The following PLCH2 variants were observed in gnomAD, a reference collection of about 807,000 sequenced individuals.
PLCH2 encodes phospholipase C eta 2, also known as 1-phosphatidylinositol 4,5-bisphosphate phosphodiesterase eta-2.
Under a neutral mutation model 134.7 loss-of-function variants are expected in PLCH2, and 98 were observed. That is an observed-to-expected ratio of 0.73 (90% CI 0.62 to 0.86). PLCH2 has a LOEUF of 0.86. PLCH2 is among the 40% of genes least tolerant of loss of function. The pLI is 0.00. For synonymous variants in PLCH2, 974 were observed against 827.5 expected, an observed-to-expected ratio of 1.18 and a Z score of -3.04; for missense variants, 1,994 against 1,986.6, an observed-to-expected ratio of 1.00 and a Z score of -0.07.
chr1:2,456,705 C>T (rs1436674872), intron 2 of PLCH2, among the ~76,000 whole-genome samples: 2 of 152,154 alleles, frequency 1.3e-5, no homozygotes, highest in African/African-American at 2.4e-5. Context: ...CAGTTTCCCC[C>T]TCTGAAGCCA....
chr1:2,503,567 C>T (rs1365541169), intron 21 of PLCH2: 3 of 640,774 alleles, frequency 4.7e-6, no homozygotes, highest in Non-Finnish European at 8.5e-6. Flanking sequence ...CCCCTCCAGA[C>T]CCCCCTGACC....
At chr1:2,422,381 G>A (rs1283398851), upstream of PLCH2, among the ~76,000 whole-genome samples, 1 of 152,200 alleles carries the variant, frequency 6.6e-6, no homozygotes, top group Non-Finnish European at 1.5e-5. Flanking sequence ...TGAGAAGAGG[G>A]ACGTGGCTTT....
At position 2,448,331 on chromosome 1, in the gene PLCH2, C is replaced by T. The variant is rs957849793; in HGVS notation, c.115+17702C>T. Among the ~76,000 whole-genome samples, 8 of 152,076 alleles carry T rather than the reference C, an allele frequency of 5.3e-5. No individual in the cohort carries two copies. The highest frequency in any genetic ancestry group is 2.1e-4 in the South Asian group (1 of 4,816). ...GGCCGCGCTCCCTCTGCAGGCTCCC[C>T]GGGAGGAACTTCCTGGCCTCCTCCA... On this transcript the variant is annotated intron_variant, in intron 2 of 3. Transcript: ENST00000609981. This position sits in a 1 kb window ranked among gnomAD's most constrained non-coding sequence, Gnocchi z 4.0.
chr1:2,496,333 G>A (rs1570471497), intron 13 of PLCH2, among the ~76,000 whole-genome samples: 1 of 152,202 alleles, frequency 6.6e-6, no homozygotes, highest in African/African-American at 2.4e-5. Context: ...CCTTCCAGAA[G>A]CCCCCACACC....
chr1:2,441,747 A>G (rs1639702435), intron 2 of PLCH2, among the ~76,000 whole-genome samples: 2 of 152,150 alleles, frequency 1.3e-5, no homozygotes, highest in Non-Finnish European at 2.9e-5. Context: ...CAAGGGAGCC[A>G]GGAACTAGCC....
chr1:2,445,796 C>G (rs1005567447), intron 2 of PLCH2, among the ~76,000 whole-genome samples: 3 of 152,208 alleles, frequency 2.0e-5, no homozygotes, highest in Admixed American at 6.5e-5. Flanking sequence ...TGCCGTAAGC[C>G]GCAGCAGCCA....
At chr1:2,495,276 A>C (rs1265386723) in intron 12 of PLCH2, among the ~76,000 whole-genome samples, 2 of 152,136 alleles carry the variant, frequency 1.3e-5, no homozygotes, top group Non-Finnish European at 2.9e-5. Context: ...CCCCAAGCTC[A>C]GGTGCCTTGT....
At chr1:2,438,471 C>T (rs1179815181) in intron 2 of PLCH2, among the ~76,000 whole-genome samples, 2 of 152,134 alleles carry the variant, frequency 1.3e-5, no homozygotes, top group South Asian at 2.1e-4. Flanking sequence ...CTCCCATGCC[C>T]CTGCCATGTC....
chr1:2,445,871 G>A lies in PLCH2; in HGVS notation c.115+15242G>A, dbSNP rs144138380. 1.2e-3 allele frequency among the ~76,000 whole-genome samples: 189 copies of A among 152,316 alleles called. 2 individuals carry two copies. In the East Asian group the frequency reaches 0.029, roughly 23 times the overall value. On this transcript the variant is annotated intron_variant, in intron 2 of 3. Coordinates refer to the PLCH2 transcript ENST00000609981. ...ATGTCCACAACACATGAAGAGCTTC[G>A]GACCAATTTGTGTATCTTCTGTTAC...
chr1:2,426,383 T>C (rs1424145812), intron 1 of PLCH2, among the ~76,000 whole-genome samples: 1 of 152,204 alleles, frequency 6.6e-6, no homozygotes, highest in Non-Finnish European at 1.5e-5. Flanking sequence ...CCTTCTTGCT[T>C]CTAACACTGA....
At chr1:2,459,502 TTCC>T (rs1640686254) in intron 2 of PLCH2, among the ~76,000 whole-genome samples, 3 of 83,686 alleles carry the variant, frequency 3.6e-5, no homozygotes, top group Non-Finnish European at 5.5e-5. Context: ...GTGGTCCTCC[TTCC>T]TGGTGGTCCT....
At position 2,489,841 on chromosome 1, in the gene PLCH2, G is replaced by C. The variant is rs753992333; in HGVS notation, c.1489G>C (p.Asp497His). The change falls in exon 10 of 22, where the codon GAT (aspartate) becomes CAT (histidine). Residue 497 changes from aspartate to histidine, a missense_variant. Asp to His is a moderately conservative substitution (Grantham distance 81). Coordinates refer to ENST00000378486, the MANE Select transcript of PLCH2 (RefSeq NM_014638.4). The stretch of plus-strand genomic sequence containing the variant: ...TGAGGACAGTGCTGATGAGATTGAC[G>C]ATGACTGCAAGCTCCTCAATGGGGA... ...SDEDSADEID[D>H]DCKLLNGDAS... The C allele has an allele frequency of 6.2e-7, 1 of 1,613,232 alleles. No homozygotes were observed. Among genetic ancestry groups the C allele is most frequent in the Admixed American group, 1.7e-5 (1 of 60,028 alleles).
In PLCH2 at chr1:2,499,177, T is replaced by C; in HGVS notation, c.2528T>C (p.Ile843Thr). The change falls in exon 19 of 22, where the codon ATC (isoleucine) becomes ACC (threonine). Residue 843 changes from isoleucine to threonine, a missense_variant. Ile to Thr is a moderately conservative substitution (Grantham distance 89). This residue lies in a region of PLCH2 where 1,094 missense variants were observed against 1,234.3 expected (regional missense o/e 0.89). Coordinates refer to ENST00000378486, the MANE Select transcript of PLCH2 (RefSeq NM_014638.4). Reference protein sequence around the residue: ...VRFLVWDHDPIGRDFIGQRTL... With the variant: ...VRFLVWDHDPTGRDFIGQRTL... Reference sequence around the variant, plus strand: ...TTCCTCGTCTGGGACCACGATCCCATCGGGCGTGACTTCATTGGCCAGAGG... The same window carrying C: ...TTCCTCGTCTGGGACCACGATCCCACCGGGCGTGACTTCATTGGCCAGAGG... The C allele has an allele frequency of 6.2e-7, 1 of 1,613,242 alleles. No individual in the cohort carries two copies. The highest frequency in any genetic ancestry group is 8.5e-7 in the Non-Finnish European group (1 of 1,179,796).
upstream of PLCH2, among the ~76,000 whole-genome samples, chr1:2,464,952 C>T (rs985159182): frequency 1.4e-4 from 22 of 152,190 alleles, no homozygotes; most frequent in Non-Finnish European, 2.9e-4. Flanking sequence ...AGGGGCTCAG[C>T]AGGCCCTGAG....
chr1:2,480,294 G>C lies in PLCH2; in HGVS notation c.627G>C (p.Arg209Ser). Residue 209 changes from arginine to serine, a missense_variant, in exon 4 of 22, where the codon AGG becomes AGC. By Grantham distance (110) the Arg-to-Ser change is moderately radical (BLOSUM62 -1). Around this residue, in one of 2 missense-constraint regions of PLCH2, gnomAD observed 1,094 missense variants for 1,234.3 expected, o/e 0.89. Transcript: ENST00000378486. Reference sequence around the variant, plus strand: ...TCAACGTGAACCTGCCCCGGCAGAGGGTGAAGCAGATGTTCAGGGTGAGCT... The same window carrying C: ...TCAACGTGAACCTGCCCCGGCAGAGCGTGAAGCAGATGTTCAGGGTGAGCT... ...HKLNVNLPRQ[R>S]VKQMFREADT... 1 of 1,612,594 alleles carries C rather than the reference G, an allele frequency of 6.2e-7. No homozygotes were observed.
At chr1:2,425,298 TACACATATACATAC>T (rs1368041416), upstream of PLCH2, among the ~76,000 whole-genome samples, 140 of 151,600 alleles carry the variant, frequency 9.2e-4, no homozygotes, top group African/African-American at 3.2e-3. Context: ...CATGCACAGA[TACACATATACATAC>T]ACACATATAC....
In PLCH2 at chr1:2,498,791, C is replaced by T. The variant is rs1456511612; in HGVS notation, c.2397C>T (p.Asp799=). 1.9e-6 allele frequency: 3 copies of T among 1,611,252 alleles called. No homozygotes were observed. The highest frequency in any genetic ancestry group is 1.7e-4 in the Middle Eastern group (1 of 6,048). ...TGGAGATCATTGGGCTCCCTGTGGACTGCAGCAGGGAGCAGACCCGCGTGG... is the reference window on the plus strand; with the variant it reads ...TGGAGATCATTGGGCTCCCTGTGGATTGCAGCAGGGAGCAGACCCGCGTGG... The part of the protein sequence containing the change: ...VEVEIIGLPV[D]CSREQTRVVD... The change falls in exon 18 of 22, where the codon GAC becomes GAT. Residue 799 remains aspartate, a synonymous_variant. Transcript: ENST00000378486. The surrounding 1 kb of genome is among the most constrained non-coding windows in gnomAD (Gnocchi z 5.4).
rs1166830344 is a variant in PLCH2, at chr1:2,498,687, G to A, written c.2349+40G>A. On this transcript the variant is annotated intron_variant, in intron 17 of 21. Coordinates refer to ENST00000378486, the MANE Select transcript of PLCH2 (RefSeq NM_014638.4). This position sits in a 1 kb window ranked among gnomAD's most constrained non-coding sequence, Gnocchi z 5.4. ...CACACAGGCGGGAGGGGTGGGAGTT[G>A]GGGGCGGGCCGGGCATCGCGATGGG... is the stretch of plus-strand genomic sequence containing the variant. 3 of 1,531,030 alleles carry A rather than the reference G, an allele frequency of 2.0e-6. No individual in the cohort carries two copies. Among genetic ancestry groups the A allele is most frequent in the Admixed American group, 1.9e-5 (1 of 52,694 alleles). 94.8% of individuals were successfully genotyped at this position (1,531,030 alleles called of 1,614,324 possible).
At chr1:2,499,747 A>G in intron 20 of PLCH2, 27 bp downstream of exon 20, 10 of 1,528,046 alleles carry the variant, frequency 6.5e-6, no homozygotes, top group Non-Finnish European at 8.9e-6. Context: ...GCCACCAGCC[A>G]TCATGGGGAG....
Sources: gnomAD v4.1 joint callset for allele counts (sites outside exome capture counted in the v4.1 genomes callset) on GRCh38, gnomAD v4.1.1 for gene constraint, gnomAD v4.1.1 regional missense constraint, Gnocchi (gnomAD v3.1) non-coding constraint, MANE v1.5 for transcripts, NCBI Gene and HGNC (gene_info 2026-07-23, HGNC 2026-07-21) for gene names.